PDE6D: variants seen among roughly 807,000 people sequenced by gnomAD.
PDE6D encodes phosphodiesterase 6D.
In PDE6D, 10 loss-of-function variants were observed where a neutral mutation model predicts 21.9. That is an observed-to-expected ratio of 0.46 (90% CI 0.28 to 0.78). PDE6D has a LOEUF of 0.78. Among genes scored for constraint, PDE6D ranks in the 30% least tolerant of loss-of-function variants. The pLI is 0.12. For synonymous variants in PDE6D, 59 were observed against 63.5 expected, an observed-to-expected ratio of 0.93 and a Z score of 0.34; for missense variants, 139 against 184.8, an observed-to-expected ratio of 0.75 and a Z score of 1.44.
intron 1 of PDE6D, among the ~76,000 whole-genome samples, chr2:231,751,517 C>T (rs959845664): frequency 6.6e-6 from 1 of 152,112 alleles, no homozygotes; most frequent in African/African-American, 2.4e-5. Context: ...CCAGTTTACT[C>T]TATTATTAAC....
intron 1 of PDE6D, among the ~76,000 whole-genome samples, chr2:231,741,691 C>T (rs1198320137): frequency 6.6e-6 from 1 of 152,064 alleles, no homozygotes; most frequent in Admixed American, 6.6e-5. Flanking sequence ...ATGAGAAGCA[C>T]AGAAAATCTA....
chr2:231,744,998 G>T (rs1480610066), intron 1 of PDE6D, among the ~76,000 whole-genome samples: 10 of 152,124 alleles, frequency 6.6e-5, no homozygotes, highest in Admixed American at 6.6e-4. Context: ...GCCATTGAAG[G>T]CCCCTCTAAG....
chr2:231,741,913 A>G (rs2048752734), intron 1 of PDE6D, among the ~76,000 whole-genome samples: 1 of 152,218 alleles, frequency 6.6e-6, no homozygotes, highest in Non-Finnish European at 1.5e-5. Flanking sequence ...CGAAATGTTG[A>G]GAAACAACAA....
chr2:231,744,017 C>T (rs191124606), intron 1 of PDE6D, among the ~76,000 whole-genome samples: 42 of 152,340 alleles, frequency 2.8e-4, no homozygotes, highest in Admixed American at 2.0e-3. Context: ...GTACCCACTA[C>T]GGCAACATGG....
intron 1 of PDE6D, among the ~76,000 whole-genome samples, chr2:231,761,261 G>A (rs1359577838): frequency 2.0e-5 from 3 of 151,834 alleles, no homozygotes; most frequent in African/African-American, 7.3e-5. Context: ...TGCAAGCTCC[G>A]CTTCCCAGGT....
intron 4 of PDE6D, among the ~76,000 whole-genome samples, chr2:231,736,471 G>A (rs776832180): frequency 3.9e-5 from 6 of 152,182 alleles, no homozygotes; most frequent in African/African-American, 7.2e-5. Context: ...GTGCCATTAC[G>A]CCCAGCTAAC....
intron 1 of PDE6D, among the ~76,000 whole-genome samples, chr2:231,758,769 TC>T (rs1169659720): frequency 7.9e-5 from 12 of 152,154 alleles, no homozygotes; most frequent in Non-Finnish European, 1.5e-4. Context: ...CATCTGGAGA[TC>T]TTGTTAAAAT....
intron 1 of PDE6D, among the ~76,000 whole-genome samples, chr2:231,757,010 G>A (rs528029498): frequency 7.2e-5 from 11 of 151,864 alleles, no homozygotes; most frequent in Non-Finnish European, 1.3e-4. Flanking sequence ...CCAGGCTGGA[G>A]TGCAGTGGTA....
Position 231,738,150 on chromosome 2 carries a change from A to G in PDE6D, c.140-12T>C. 1 of 1,607,458 alleles carries G rather than the reference A, an allele frequency of 6.2e-7. No individual in the cohort carries two copies. Among genetic ancestry groups the G allele is most frequent in the South Asian group, 1.1e-5 (1 of 89,996 alleles). The stretch of plus-strand genomic sequence containing the variant: ...CTTGGGAACACGGGCTGGTAAGAGA[A>G]AAACAAATGTTGAAGCCTTTCTAAA... On this transcript the variant is annotated splice_polypyrimidine_tract_variant and intron_variant, in intron 2 of 4. Coordinates refer to ENST00000287600, the MANE Select transcript of PDE6D (RefSeq NM_002601.4).
intron 4 of PDE6D, among the ~76,000 whole-genome samples, chr2:231,733,443 G>A (rs2048668363): frequency 1.3e-5 from 2 of 152,298 alleles, no homozygotes; most frequent in South Asian, 4.1e-4. Context: ...CACAATAGTC[G>A]AAAGGTGGGC....
intron 1 of PDE6D, chr2:231,778,694 A>C (rs2049076229): frequency 6.6e-6 from 1 of 152,270 alleles, no homozygotes; most frequent in Admixed American, 6.5e-5. Context: ...ACACACAACT[A>C]GGAGCGCAGG....
At chr2:231,758,185 T>C (rs1004767721) in intron 1 of PDE6D, among the ~76,000 whole-genome samples, 3 of 152,170 alleles carry the variant, frequency 2.0e-5, no homozygotes, top group Admixed American at 6.5e-5. Flanking sequence ...GACAGATAGG[T>C]AGATAGATAG....
Position 231,759,384 on chromosome 2 carries a change from T to G in PDE6D, c.51-20196A>C, listed in dbSNP as rs1004960680. On this transcript the variant is annotated intron_variant, in intron 1 of 4. Transcript: ENST00000287600. Reference sequence around the variant, plus strand: ...AAGGTATTTCTAGGAAATAAGATTTTAGAGATTGGAAAGGTTTGGAATAAC... The same window carrying G: ...AAGGTATTTCTAGGAAATAAGATTTGAGAGATTGGAAAGGTTTGGAATAAC... Among the ~76,000 whole-genome samples, 62 of 151,980 alleles carry G rather than the reference T, an allele frequency of 4.1e-4. 1 individual carries two copies. Among genetic ancestry groups the G allele is most frequent in the Admixed American group, 3.3e-4 (5 of 15,266 alleles).
At chr2:231,740,030 T>C (rs1312309840) in intron 1 of PDE6D, among the ~76,000 whole-genome samples, 2 of 152,016 alleles carry the variant, frequency 1.3e-5, no homozygotes, top group Non-Finnish European at 2.9e-5. Context: ...GATAAAGACA[T>C]AAGTTTTAAA....
chr2:231,778,844 A>T (rs1229061571), intron 1 of PDE6D: 1 of 152,238 alleles, frequency 6.6e-6, no homozygotes, highest in African/African-American at 2.4e-5. Flanking sequence ...CAAACTGGCA[A>T]ATAAAAAAGA....
intron 1 of PDE6D, among the ~76,000 whole-genome samples, chr2:231,780,139 C>G (rs761356435): frequency 5.3e-5 from 8 of 152,160 alleles, no homozygotes; most frequent in Non-Finnish European, 1.2e-4. Flanking sequence ...CACGAAAACA[C>G]AAAGCTTCCT....
chr2:231,734,852 A>AC (rs937591702), intron 4 of PDE6D, among the ~76,000 whole-genome samples: 27 of 145,378 alleles, frequency 1.9e-4, no homozygotes, highest in East Asian at 1.2e-3. Flanking sequence ...GTCTCAAAAA[A>AC]AAAAACAAAA....
In PDE6D at chr2:231,744,403, A is replaced by G. The variant is rs577937399; in HGVS notation, c.51-5215T>C. Among the ~76,000 whole-genome samples, 15 of 152,240 alleles carry G rather than the reference A, an allele frequency of 9.9e-5. No homozygotes were observed. In the South Asian group the frequency reaches 2.9e-3, roughly 29 times the overall value. ...CACAACATGAATGTCTTTTCTCTGT[A>G]AATAACCAGGTTAAGGACTTAATTG... On this transcript the variant is annotated intron_variant, in intron 1 of 4. Coordinates refer to ENST00000287600, the MANE Select transcript of PDE6D (RefSeq NM_002601.4).
At chr2:231,763,916 A>G (rs1187368503) in intron 1 of PDE6D, among the ~76,000 whole-genome samples, 3 of 151,876 alleles carry the variant, frequency 2.0e-5, no homozygotes, top group Admixed American at 6.6e-5. Context: ...TGGGATTACA[A>G]GCTTGAGCCA....
Sources: gnomAD v4.1 joint callset for allele counts (sites outside exome capture counted in the v4.1 genomes callset) on GRCh38, gnomAD v4.1.1 for gene constraint, MANE v1.5 for transcripts, NCBI Gene and HGNC (gene_info 2026-07-23, HGNC 2026-07-21) for gene names.